Variants in POLD1 observed in about 807,000 individuals in gnomAD.
The protein encoded by POLD1 is DNA polymerase delta catalytic subunit.
A neutral mutation model predicts 129.7 loss-of-function variants in POLD1; 79 were observed. The observed-to-expected ratio is 0.61, with a 90% confidence interval of 0.51 to 0.73. The LOEUF (loss-of-function observed/expected upper bound fraction) is 0.73, where lower values mean the gene tolerates loss of function less well. Ranked by LOEUF, POLD1 falls within the 30% of genes least tolerant of loss-of-function variation. POLD1 has a pLI of 0.00. For synonymous variants in POLD1, 714 were observed against 683.3 expected, an observed-to-expected ratio of 1.04 and a Z score of -0.70; for missense variants, 1,338 against 1,595.8, an observed-to-expected ratio of 0.84 and a Z score of 2.75.
At chr19:50,386,860 G>T (rs918281136) in intron 1 of POLD1, among the ~76,000 whole-genome samples, 6 of 152,146 alleles carry the variant, frequency 3.9e-5, no homozygotes, top group Non-Finnish European at 8.8e-5. Flanking sequence ...GCATGCAGGT[G>T]AGCCTGGGCA....
At chr19:50,417,006 G>T in intron 24 of POLD1, 39 bp from the exon 25 acceptor site, 1 of 1,537,946 alleles carries the variant, frequency 6.5e-7, no homozygotes, top group Non-Finnish European at 8.8e-7. Context: ...CCAGTTCCTG[G>T]CTGGGCCCCA....
rs2122322292 is a variant in POLD1, at chr19:50,406,324, T to A, written c.1383+2T>A. 1 of 1,613,762 alleles carries A rather than the reference T, an allele frequency of 6.2e-7. No homozygotes were observed. The highest frequency in any genetic ancestry group is 8.5e-7 in the Non-Finnish European group (1 of 1,179,868). ...CGCGTGCAGATGGACATGCTGCAGG[T>A]ATGGGCGGGAGGTGGGGTGTGTCCC... On this transcript the variant is annotated splice_donor_variant, in intron 11 of 26. Coordinates refer to ENST00000440232, the MANE Select transcript of POLD1 (RefSeq NM_002691.4). LOFTEE classifies it high-confidence loss of function. This position sits in a 1 kb window ranked among gnomAD's most constrained non-coding sequence, Gnocchi z 5.5.
chr19:50,403,777 C>T (rs1001785033), intron 10 of POLD1, among the ~76,000 whole-genome samples, 180 bp downstream of exon 10: 1 of 152,200 alleles, frequency 6.6e-6, no homozygotes, highest in Admixed American at 6.5e-5. Flanking sequence ...GAAAAAGTTA[C>T]TGTGGCTTTT....
At position 50,401,948 on chromosome 19, in the gene POLD1, T is replaced by C. The variant is rs372578888; in HGVS notation, c.463+24T>C. On this transcript the variant is annotated intron_variant, in intron 4 of 26. Transcript: ENST00000440232. ...TGGTGAGTGGCCCCTACCCAGCCCC[T>C]CCCTGAGCCACTGGAGCCCCCTGCA... is the stretch of plus-strand genomic sequence containing the variant. 757 of 1,613,372 alleles carry C rather than the reference T, an allele frequency of 4.7e-4. No individual in the cohort carries two copies. Among genetic ancestry groups the C allele is most frequent in the Non-Finnish European group, 5.6e-4 (656 of 1,179,690 alleles).
intron 10 of POLD1, 132 bp downstream of exon 10, chr19:50,403,729 A>G (rs769753161): frequency 7.2e-6 from 5 of 694,582 alleles, no homozygotes; most frequent in Non-Finnish European, 1.3e-5. Flanking sequence ...GATTGCCTGC[A>G]GGGGCAGCCT....
chr19:50,407,948 G>A (rs2038958347), intron 14 of POLD1, among the ~76,000 whole-genome samples: 1 of 151,862 alleles, frequency 6.6e-6, no homozygotes, highest in Admixed American at 6.6e-5. Context: ...TGAGCTGGGA[G>A]GATGATGAGC....
chr19:50,411,672 C>G (rs2039093050), intron 17 of POLD1, among the ~76,000 whole-genome samples: 1 of 152,142 alleles, frequency 6.6e-6, no homozygotes, highest in African/African-American at 2.4e-5. Context: ...AACCCTGTCT[C>G]TATTAAAAAT....
intron 13 of POLD1, 57 bp downstream of exon 13, chr19:50,407,231 C>G (rs2038928890): frequency 6.4e-7 from 1 of 1,558,362 alleles, no homozygotes; most frequent in Non-Finnish European, 8.8e-7. Context: ...GTGGCCCCCT[C>G]CAGGCAATGG....
intron 24 of POLD1, 159 bp from the exon 25 acceptor site, chr19:50,416,886 C>T: frequency 9.9e-7 from 1 of 1,007,014 alleles, no homozygotes; most frequent in Non-Finnish European, 1.4e-6. Context: ...TCCTCGGCCC[C>T]CACCCCGGGA....
intron 8 of POLD1, 23 bp downstream of exon 8, chr19:50,402,764 C>T (rs778940711): frequency 2.6e-6 from 4 of 1,566,754 alleles, no homozygotes; most frequent in Admixed American, 3.6e-5. Context: ...GCCCGGGCTC[C>T]TGCCCGCCTC....
chr19:50,416,169 C>A lies in POLD1; in HGVS notation c.2821-227C>A, dbSNP rs552642754. 8.4e-6 allele frequency: 5 copies of A among 592,528 alleles called. No individual in the cohort carries two copies. The African/African-American group carries it at 9.3e-5, about 11-fold the overall frequency. 36.7% of individuals were successfully genotyped at this position (592,528 alleles called of 1,614,324 possible). A position where few individuals can be genotyped will look rare whatever the true frequency, so the allele number is the denominator to read the frequency against. On this transcript the variant is annotated intron_variant, in intron 22 of 26. Coordinates refer to ENST00000440232, the MANE Select transcript of POLD1 (RefSeq NM_002691.4). ...TCTGACCTCCTGACCCCTTCCTCAT[C>A]CTTGCTTCCCCTTGTGAACTCTGAC...
At chr19:50,416,551 G>C (rs2039301199) in intron 23 of POLD1, 23 bp downstream of exon 23, 2 of 1,547,884 alleles carry the variant, frequency 1.3e-6, no homozygotes, top group Non-Finnish European at 1.7e-6. Flanking sequence ...CAGGGGACTG[G>C]GGGCACCCTG....
rs1376051317 is a variant in POLD1, at chr19:50,403,517, A to T, written c.1162A>T (p.Met388Leu). ...LQAWSTFIRI[M>L]DPDVITGYNI... Reference sequence around the variant, plus strand: ...GGCCTGGTCCACCTTCATCCGTATCATGGACCCCGACGTGATCACCGGTTA... The same window carrying T: ...GGCCTGGTCCACCTTCATCCGTATCTTGGACCCCGACGTGATCACCGGTTA... The change falls in exon 10 of 27, where the codon ATG becomes TTG. Residue 388 changes from methionine (M) to leucine (L), a missense_variant. Met to Leu is a conservative substitution (Grantham distance 15). This residue lies in a region of POLD1 where 720 missense variants were observed against 1,002.6 expected (regional missense o/e 0.72). Transcript: ENST00000440232. 2 of 1,613,884 alleles carry T rather than the reference A, an allele frequency of 1.2e-6. No individual in the cohort carries two copies. Among genetic ancestry groups the T allele is most frequent in the African/African-American group, 1.3e-5 (1 of 75,034 alleles).
intron 9 of POLD1, 31 bp from the exon 10 acceptor site, chr19:50,403,462 C>A (rs1020476719): frequency 6.7e-7 from 1 of 1,500,680 alleles, no homozygotes; most frequent in Admixed American, 1.7e-5. Context: ...AGGGCAACCA[C>A]CAGGGTGACC....
In POLD1 at chr19:50,395,532, C is replaced by T. The variant is rs562942917; in HGVS notation, c.-1-3319C>T. Among the ~76,000 whole-genome samples, 107 of 151,426 alleles carry T rather than the reference C, an allele frequency of 7.1e-4. 1 individual carries two copies. In the South Asian group the frequency reaches 0.018, roughly 25 times the overall value. On this transcript the variant is annotated intron_variant, in intron 1 of 26. Coordinates refer to ENST00000440232, the MANE Select transcript of POLD1 (RefSeq NM_002691.4). ...CCGGGAGGCGGAGCTTGCAGTGAGCCGAGATCGCGCCACCGCACTCCAGCC... is the reference window on the plus strand; with the variant it reads ...CCGGGAGGCGGAGCTTGCAGTGAGCTGAGATCGCGCCACCGCACTCCAGCC...
In POLD1 at chr19:50,403,018, C is replaced by T. The variant is rs56368556; in HGVS notation, c.971-35C>T. The T allele has an allele frequency of 1.9e-3, 2,903 of 1,550,178 alleles. 40 individuals are homozygous for T. In the African/African-American group the frequency reaches 0.035, roughly 19 times the overall value. ...TCCCTGCTGTGTTGGGAGTGAGGGG[C>T]AGGAGTCAGGCCCCTGCATCCTCCT... On this transcript the variant is annotated intron_variant, in intron 8 of 26. Transcript: ENST00000440232.
chr19:50,401,371 A>G (rs1161233629), intron 3 of POLD1, among the ~76,000 whole-genome samples: 24 of 49,928 alleles, frequency 4.8e-4, no homozygotes, highest in African/African-American at 1.8e-3. Context: ...ATATGTGTAT[A>G]TATATATATA....
intron 1 of POLD1, among the ~76,000 whole-genome samples, chr19:50,389,727 C>T (rs531767812): frequency 6.6e-6 from 1 of 151,662 alleles, no homozygotes; most frequent in East Asian, 1.9e-4. Flanking sequence ...GCTGGAATTA[C>T]AGGCATGCAC....
At chr19:50,416,359 C>T (rs1478100057) in intron 22 of POLD1, 37 bp from the exon 23 acceptor site, 3 of 1,544,740 alleles carry the variant, frequency 1.9e-6, no homozygotes, top group East Asian at 4.9e-5. Flanking sequence ...GGTGCCCTTT[C>T]CCTGGCTGCC....
Sources: gnomAD v4.1 joint callset for allele counts (sites outside exome capture counted in the v4.1 genomes callset) on GRCh38, gnomAD v4.1.1 for gene constraint, gnomAD v4.1.1 regional missense constraint, Gnocchi (gnomAD v3.1) non-coding constraint, MANE v1.5 for transcripts, NCBI Gene and HGNC (gene_info 2026-07-23, HGNC 2026-07-21) for gene names.